SPAG9: variants seen among roughly 807,000 people sequenced by gnomAD.
The protein encoded by SPAG9 is sperm associated antigen 9.
A neutral mutation model predicts 166.5 loss-of-function variants in SPAG9; 35 were observed. The ratio of observed to expected loss-of-function variants is 0.21; its 90% CI spans 0.16 to 0.28. The LOEUF is 0.28. SPAG9 is among the 10% of genes least tolerant of loss of function. SPAG9 has a pLI of 1.00. For synonymous variants in SPAG9, 534 were observed against 565.5 expected (o/e 0.94, Z 0.79); for missense variants, 1,235 against 1,603.3 (o/e 0.77, Z 3.92).
At chr17:51,092,866 A>C (rs2048507044) in intron 1 of SPAG9, among the ~76,000 whole-genome samples, 1 of 151,944 alleles carries the variant, frequency 6.6e-6, no homozygotes, top group African/African-American at 2.4e-5. Context: ...TTAGCCCAGG[A>C]GTTCTAAGCT....
intron 15 of SPAG9, 84 bp from the exon 16 acceptor site, chr17:50,996,778 A>G (rs2044701658): frequency 7.4e-7 from 1 of 1,344,762 alleles, no homozygotes; most frequent in Admixed American, 2.2e-5. Context: ...TGTCACTAAA[A>G]CAGCAAAAAC....
At chr17:51,040,454 T>C (rs985367641) in intron 5 of SPAG9, 3 of 152,194 alleles carry the variant, frequency 2.0e-5, no homozygotes, top group African/African-American at 4.8e-5. Context: ...CAAAGGTCAA[T>C]AGAATGATTC....
At chr17:51,045,269 T>C (rs1316032029) in intron 4 of SPAG9, among the ~76,000 whole-genome samples, 1 of 152,186 alleles carries the variant, frequency 6.6e-6, no homozygotes, top group Non-Finnish European at 1.5e-5. Context: ...GACATCCCCT[T>C]AACATTAGTC....
In SPAG9 at chr17:51,046,822, C is replaced by T. The variant is rs1465462214; in HGVS notation, c.590+553G>A. 26 of 1,532,686 alleles carry T rather than the reference C, an allele frequency of 1.7e-5. 1 individual carries two copies. The highest frequency in any genetic ancestry group is 2.5e-5 in the East Asian group (1 of 40,790). The allele number at this position is 1,532,686 out of a possible 1,614,324, so 94.9% of individuals were successfully genotyped here. On this transcript the variant is annotated intron_variant, in intron 4 of 29. Transcript: ENST00000262013. ...TCCTGCAGCAGCTCCCAAGCGATGA[C>T]GTCATTCCGTTCTCCCCACCTCATA...
chr17:50,974,579 G>A (rs1458324014), intron 28 of SPAG9, among the ~76,000 whole-genome samples, 192 bp downstream of exon 28: 1 of 152,134 alleles, frequency 6.6e-6, no homozygotes, highest in Non-Finnish European at 1.5e-5. Flanking sequence ...GGGTGGGAGA[G>A]ATATTCCAAA....
At chr17:51,021,437 G>T in intron 6 of SPAG9, 72 bp from the exon 7 acceptor site, 1 of 1,209,306 alleles carries the variant, frequency 8.3e-7, no homozygotes, top group Non-Finnish European at 1.1e-6. Context: ...AATGGGTTGA[G>T]AAATAAATCT....
chr17:51,001,891 G>A (rs748012471), intron 12 of SPAG9, 46 bp from the exon 13 acceptor site: 3 of 1,574,310 alleles, frequency 1.9e-6, no homozygotes, highest in African/African-American at 1.4e-5. Flanking sequence ...GCTTATAAAT[G>A]TCTTGGTGTT....
At chr17:51,088,375 C>T (rs1315903578) in intron 1 of SPAG9, among the ~76,000 whole-genome samples, 1 of 152,154 alleles carries the variant, frequency 6.6e-6, no homozygotes, top group East Asian at 1.9e-4. Flanking sequence ...AAACTCTTTG[C>T]CCACCCATCC....
At chr17:51,005,573 G>A (rs954209633) in intron 11 of SPAG9, among the ~76,000 whole-genome samples, 7 of 152,224 alleles carry the variant, frequency 4.6e-5, no homozygotes, top group Admixed American at 3.9e-4. Context: ...TATTTAGGCC[G>A]GGTGCAGTGG....
intron 9 of SPAG9, among the ~76,000 whole-genome samples, 191 bp from the exon 10 acceptor site, chr17:51,007,517 C>A (rs1482092120): frequency 6.6e-6 from 1 of 151,940 alleles, no homozygotes; most frequent in Admixed American, 6.6e-5. Flanking sequence ...TTATTCATTA[C>A]GAACAAGGCT....
chr17:51,020,203 A>G lies in SPAG9; in HGVS notation c.1047T>C (p.Pro349=). The G allele has an allele frequency of 6.2e-7, 1 of 1,613,712 alleles. No homozygotes were observed. The highest frequency in any genetic ancestry group is 8.5e-7 in the Non-Finnish European group (1 of 1,179,630). ...TGAGATCTTTGTCCATATCCAGCTC[A>G]GGAGTAGATTCGATGATTGCTTGAA... ...SEVQAIIEST[P]ELDMDKDLSG... The change falls in exon 8 of 30, where the codon CCT becomes CCC. Residue 349 remains proline, a synonymous_variant. Transcript: ENST00000262013.
Position 50,999,356 on chromosome 17 carries a change from C to A in SPAG9, c.1664+305G>T. On this transcript the variant is annotated intron_variant, in intron 14 of 29. Coordinates refer to ENST00000262013, the MANE Select transcript of SPAG9 (RefSeq NM_001130528.3). ...AAACTTATTTAATGGGGATCCAGGT[C>A]ATTTTCAAGTCTCTAAATAATTCCC... The A allele has an allele frequency of 3.9e-6, 3 of 767,142 alleles. No individual in the cohort carries two copies. In the South Asian group the frequency reaches 6.4e-5, roughly 16 times the overall value. The allele number at this position is 767,142 out of a possible 1,614,324, so 47.5% of individuals were successfully genotyped here.
intron 27 of SPAG9, chr17:50,975,179 T>C: frequency 2.3e-6 from 1 of 443,844 alleles, no homozygotes; most frequent in South Asian, 3.6e-5. Flanking sequence ...TAGCAATAAG[T>C]AAGCTTATTT....
chr17:51,103,343 C>T (rs927153731), intron 1 of SPAG9, among the ~76,000 whole-genome samples: 7 of 152,146 alleles, frequency 4.6e-5, no homozygotes, highest in African/African-American at 1.7e-4. Flanking sequence ...GGCAAGAGGA[C>T]TGTAAGCTGT....
At chr17:51,009,946 T>A (rs978609827) in intron 9 of SPAG9, among the ~76,000 whole-genome samples, 5 of 152,154 alleles carry the variant, frequency 3.3e-5, no homozygotes, top group Non-Finnish European at 7.4e-5. Context: ...TTTGAAATGA[T>A]CAATAACTCT....
At chr17:51,069,994 T>C (rs555214639) in intron 2 of SPAG9, among the ~76,000 whole-genome samples, 33 of 151,850 alleles carry the variant, frequency 2.2e-4, no homozygotes, top group African/African-American at 8.0e-4. Flanking sequence ...TGCAGTGGCA[T>C]GCACCTGAGG....
chr17:50,991,812 C>T (rs903767376), intron 19 of SPAG9, among the ~76,000 whole-genome samples: 4 of 150,490 alleles, frequency 2.7e-5, no homozygotes, highest in South Asian at 2.1e-4. Context: ...TTAGTAGAAA[C>T]GGGGTTTTAC....
At chr17:51,096,807 T>C (rs891748428) in intron 1 of SPAG9, among the ~76,000 whole-genome samples, 9 of 152,344 alleles carry the variant, frequency 5.9e-5, no homozygotes, top group Admixed American at 3.9e-4. Context: ...CAGTGTGATA[T>C]CGTGAAATAC....
chr17:51,091,142 G>A (rs2048452880), intron 1 of SPAG9, among the ~76,000 whole-genome samples: 1 of 151,494 alleles, frequency 6.6e-6, no homozygotes, highest in Admixed American at 6.6e-5. Context: ...GTGTAGTGGT[G>A]TGCATCTGTA....
Sources: gnomAD v4.1 joint callset for allele counts (sites outside exome capture counted in the v4.1 genomes callset) on GRCh38, gnomAD v4.1.1 for gene constraint, MANE v1.5 for transcripts, NCBI Gene and HGNC (gene_info 2026-07-23, HGNC 2026-07-21) for gene names.